Variants in CDH18 observed in about 807,000 individuals in gnomAD.
CDH18 encodes cadherin 18, also known as cadherin-18.
Under a neutral mutation model 67.9 loss-of-function variants are expected in CDH18, and 31 were observed. The observed-to-expected ratio is 0.46, with a 90% CI of 0.34 to 0.62. The LOEUF is 0.62. Among genes scored for constraint, CDH18 ranks in the 20% least tolerant of loss-of-function variants. The pLI is 0.01. For missense variants in CDH18, 890 were observed against 975.5 expected (o/e 0.91, Z 1.17); for synonymous variants, 362 against 347.2 (o/e 1.04, Z -0.48).
At chr5:20,117,815 TG>T (rs917361298) in intron 2 of CDH18, among the ~76,000 whole-genome samples, 1 of 152,222 alleles carries the variant, frequency 6.6e-6, no homozygotes, top group African/African-American at 2.4e-5. Flanking sequence ...AAGTATTTTT[TG>T]TTTAATAGGT....
chr5:20,281,124 T>C (rs1192394310), intron 1 of CDH18, among the ~76,000 whole-genome samples: 1 of 152,074 alleles, frequency 6.6e-6, no homozygotes, highest in Non-Finnish European at 1.5e-5. Flanking sequence ...GTCAGATGAG[T>C]AGGTTGCAAA....
In CDH18 at chr5:20,408,432, A is replaced by G. The variant is rs542892363; in HGVS notation, c.-579-152927T>C. Among the ~76,000 whole-genome samples, 5 of 152,158 alleles carry G rather than the reference A, an allele frequency of 3.3e-5. No individual in the cohort carries two copies. The South Asian group carries it at 1.0e-3, about 32-fold the overall frequency. ...TATAAGAGGTAAAATAAAAAGAGAT[A>G]AAGTGTGACATCATTAACAAAGTTT... On this transcript the variant is annotated intron_variant, in intron 1 of 14. Coordinates refer to the CDH18 transcript ENST00000507958.
intron 4 of CDH18, among the ~76,000 whole-genome samples, chr5:19,743,214 A>G (rs1327150310): frequency 6.6e-6 from 1 of 152,198 alleles, no homozygotes; most frequent in Admixed American, 6.5e-5. Flanking sequence ...ATGATCCCAT[A>G]TATTTGTAAC....
intron 2 of CDH18, among the ~76,000 whole-genome samples, chr5:20,038,197 G>A (rs1315808538): frequency 1.3e-5 from 2 of 152,216 alleles, no homozygotes; most frequent in Admixed American, 6.5e-5. Context: ...CTGAAATTGA[G>A]GCAGTAATGA....
intron 2 of CDH18, among the ~76,000 whole-genome samples, chr5:20,103,493 A>C (rs1746647895): frequency 6.6e-6 from 1 of 150,872 alleles, no homozygotes; most frequent in Admixed American, 6.6e-5. Context: ...TGGGAGACCG[A>C]GGCAGGGAGA....
intron 2 of CDH18, among the ~76,000 whole-genome samples, chr5:20,041,748 A>T (rs1740436530): frequency 6.6e-6 from 1 of 152,218 alleles, no homozygotes. Flanking sequence ...ACTGCTAGCT[A>T]GCAGAATGCT....
intron 5 of CDH18, among the ~76,000 whole-genome samples, chr5:19,682,415 A>G (rs1193574968): frequency 1.3e-5 from 2 of 152,022 alleles, no homozygotes; most frequent in Non-Finnish European, 2.9e-5. Context: ...TGGTCCTTAG[A>G]GGTCAAAGTC....
chr5:20,350,764 T>C (rs1741102444), intron 1 of CDH18, among the ~76,000 whole-genome samples: 1 of 152,176 alleles, frequency 6.6e-6, no homozygotes, highest in African/African-American at 2.4e-5. Context: ...GAAGGTAGTT[T>C]AGAATTTGGA....
At position 20,261,656 on chromosome 5, in the gene CDH18, G is replaced by A. The variant is rs181180494; in HGVS notation, c.-579-6151C>T. On this transcript the variant is annotated intron_variant, in intron 1 of 14. Transcript: ENST00000507958. Reference sequence around the variant, plus strand: ...CTTGGGAGGAGAATGGCGTGAACCCGGGAGGCAGAGTTTGCAGTGAGCTGA... The same window carrying A: ...CTTGGGAGGAGAATGGCGTGAACCCAGGAGGCAGAGTTTGCAGTGAGCTGA... 1.9e-4 allele frequency among the ~76,000 whole-genome samples: 29 copies of A among 152,182 alleles called. 1 individual carries two copies. In the East Asian group the frequency reaches 3.7e-3, roughly 19 times the overall value.
At chr5:19,725,057 G>A (rs1199156837) in intron 4 of CDH18, among the ~76,000 whole-genome samples, 1 of 151,778 alleles carries the variant, frequency 6.6e-6, no homozygotes, top group Non-Finnish European at 1.5e-5. Context: ...CTCCTGAGTA[G>A]CTGGGACTAC....
At chr5:19,958,512 G>A (rs1280511458) in intron 2 of CDH18, among the ~76,000 whole-genome samples, 1 of 151,850 alleles carries the variant, frequency 6.6e-6, no homozygotes, top group Non-Finnish European at 1.5e-5. Flanking sequence ...CTGTGGCCAG[G>A]GGCCAGGTGT....
intron 8 of CDH18, among the ~76,000 whole-genome samples, chr5:19,548,752 CTTTTTT>C (rs5866388): frequency 1.5e-5 from 2 of 137,848 alleles, no homozygotes; most frequent in Non-Finnish European, 3.2e-5. Flanking sequence ...TATTTATCAG[CTTTTTT>C]TTTTTTTTTT....
At chr5:19,559,577 A>C (rs1739072014) in intron 8 of CDH18, among the ~76,000 whole-genome samples, 1 of 151,500 alleles carries the variant, frequency 6.6e-6, no homozygotes, top group African/African-American at 2.4e-5. Context: ...GGGTAAAGTT[A>C]AAAGCATTCC....
chr5:19,934,084 T>C (rs1793991162), intron 2 of CDH18, among the ~76,000 whole-genome samples: 1 of 151,130 alleles, frequency 6.6e-6, no homozygotes. Context: ...TTTTCCCCAC[T>C]TGTAAATCCT....
chr5:20,416,765 T>C (rs2150152282), intron 1 of CDH18, among the ~76,000 whole-genome samples: 1 of 152,222 alleles, frequency 6.6e-6, no homozygotes, highest in Non-Finnish European at 1.5e-5. Flanking sequence ...TAATTCTTGA[T>C]ATGAAGTGGT....
intron 2 of CDH18, among the ~76,000 whole-genome samples, chr5:19,941,677 CTTGGA>C (rs1437285892): frequency 1.3e-5 from 2 of 151,954 alleles, no homozygotes; most frequent in South Asian, 2.1e-4. Flanking sequence ...GTCTCAGCTA[CTTGGA>C]AAGCTGAGGC....
At position 20,558,172 on chromosome 5, in the gene CDH18, G is replaced by A. The variant is rs186453707; in HGVS notation, c.-580+17290C>T. On this transcript the variant is annotated intron_variant, in intron 1 of 14. Coordinates refer to the CDH18 transcript ENST00000507958. ...AATACAAAGGAAGTGTGACCCCTCC[G>A]TGGAAGATTTAGCATTTTCTATAAT... 7.2e-5 allele frequency among the ~76,000 whole-genome samples: 11 copies of A among 152,132 alleles called. No homozygotes were observed. In the East Asian group the frequency reaches 1.5e-3, roughly 21 times the overall value.
intron 2 of CDH18, among the ~76,000 whole-genome samples, chr5:19,959,802 C>A (rs1400441468): frequency 2.0e-5 from 3 of 152,032 alleles, no homozygotes; most frequent in Non-Finnish European, 2.9e-5. Flanking sequence ...CTTACACAAA[C>A]CTAGAGGGGA....
intron 2 of CDH18, among the ~76,000 whole-genome samples, chr5:20,046,438 A>T (rs938972469): frequency 6.6e-6 from 1 of 151,810 alleles, no homozygotes; most frequent in East Asian, 1.9e-4. Flanking sequence ...CATATGGGCC[A>T]GTAGTTAGAA....
Sources: allele counts gnomAD v4.1 joint callset (sites outside exome capture counted in the v4.1 genomes callset), GRCh38; gene constraint gnomAD v4.1.1; transcripts MANE v1.5; gene names NCBI Gene and HGNC (gene_info 2026-07-23, HGNC 2026-07-21).